The following SIPA1L3 variants were observed in gnomAD, a reference collection of about 807,000 sequenced individuals.
The protein encoded by SIPA1L3 is signal-induced proliferation-associated 1-like protein 3.
A neutral mutation model predicts 150.1 loss-of-function variants in SIPA1L3; 59 were observed. That is an observed-to-expected ratio of 0.39 (90% confidence interval 0.32 to 0.49). SIPA1L3 has a LOEUF of 0.49. Ranked by LOEUF, SIPA1L3 falls within the 20% of genes least tolerant of loss-of-function variation. SIPA1L3 has a pLI of 0.86. For missense variants in SIPA1L3, 2,211 were observed against 2,489.5 expected (o/e 0.89, Z 2.38); for synonymous variants, 1,070 against 1,077.6 (o/e 0.99, Z 0.14).
chr19:37,977,897 C>G (rs755977513), intron 1 of SIPA1L3, among the ~76,000 whole-genome samples: 1 of 152,128 alleles, frequency 6.6e-6, no homozygotes, highest in Non-Finnish European at 1.5e-5. Flanking sequence ...TTTAGGAGGT[C>G]CTTCGTAAAT....
chr19:38,056,498 C>G (rs193058620), intron 2 of SIPA1L3, among the ~76,000 whole-genome samples: 62 of 152,336 alleles, frequency 4.1e-4, no homozygotes, highest in Non-Finnish European at 6.9e-4. Context: ...CACCCACTCT[C>G]CAGCACCCTG....
At chr19:37,948,938 A>G (rs1373959729) in intron 1 of SIPA1L3, among the ~76,000 whole-genome samples, 3 of 152,204 alleles carry the variant, frequency 2.0e-5, no homozygotes, top group Admixed American at 1.3e-4. Context: ...GCTTGTTCCC[A>G]GCAATTCACA....
chr19:38,041,202 G>A (rs928949114), intron 2 of SIPA1L3, among the ~76,000 whole-genome samples: 1 of 145,066 alleles, frequency 6.9e-6, no homozygotes, highest in African/African-American at 2.6e-5. Context: ...CATCTCCAAA[G>A]TTCAAGCAAT....
chr19:38,183,946 G>A (rs1182497883), intron 16 of SIPA1L3, among the ~76,000 whole-genome samples: 1 of 152,198 alleles, frequency 6.6e-6, no homozygotes, highest in Admixed American at 6.5e-5. Flanking sequence ...GGAGAAAAGG[G>A]TGAGGCAGAA....
intron 1 of SIPA1L3, among the ~76,000 whole-genome samples, chr19:37,970,513 C>G (rs941839461): frequency 6.6e-6 from 1 of 152,284 alleles, no homozygotes; most frequent in South Asian, 2.1e-4. Context: ...TTCCTGCAGC[C>G]GGAAGCTGTT....
At chr19:38,010,174 G>A (rs1035780184) in intron 1 of SIPA1L3, among the ~76,000 whole-genome samples, 1 of 152,156 alleles carries the variant, frequency 6.6e-6, no homozygotes, top group Non-Finnish European at 1.5e-5. Flanking sequence ...GCCGAGGCAG[G>A]AGGATTGCTT....
intron 1 of SIPA1L3, among the ~76,000 whole-genome samples, chr19:38,013,878 G>C (rs1968166543): frequency 6.6e-6 from 1 of 152,240 alleles, no homozygotes; most frequent in Non-Finnish European, 1.5e-5. Context: ...AGCACTGCTT[G>C]CTGGCCTGGA....
Position 38,119,750 on chromosome 19 carries a change from C to T in SIPA1L3, c.2736C>T (p.Tyr912=). 6.2e-7 allele frequency: 1 copy of T among 1,614,088 alleles called. No individual in the cohort carries two copies. Among genetic ancestry groups the T allele is most frequent in the South Asian group, 1.1e-5 (1 of 91,086 alleles). The change falls in exon 9 of 22, where the codon TAC becomes TAT. Residue 912 remains tyrosine, a synonymous_variant. Transcript: ENST00000222345. ...LRTKEVVFNC[Y]CGDVIGWTPD... ...CCAAGGAGGTGGTGTTCAACTGCTA[C>T]TGCGGGGATGTCATTGGCTGGACTC...
At position 37,908,636 on chromosome 19, in the gene SIPA1L3, C is replaced by G. The variant is rs535067146; in HGVS notation, c.-379+1278C>G. Among the ~76,000 whole-genome samples, 167 of 151,824 alleles carry G rather than the reference C, an allele frequency of 1.1e-3. 1 individual carries two copies. The highest frequency in any genetic ancestry group is 1.6e-3 in the Non-Finnish European group (112 of 67,920). On this transcript the variant is annotated intron_variant, in intron 1 of 21. Transcript: ENST00000222345. Reference sequence around the variant, plus strand: ...TTGCTGTTTTTTTTTTTAATAGGCCCTTTTTGCTTCTGTTTGTACCTACAT... The same window carrying G: ...TTGCTGTTTTTTTTTTTAATAGGCCGTTTTTGCTTCTGTTTGTACCTACAT...
chr19:38,037,348 A>C (rs1057216231), intron 2 of SIPA1L3, among the ~76,000 whole-genome samples: 2 of 152,100 alleles, frequency 1.3e-5, no homozygotes, highest in African/African-American at 4.8e-5. Context: ...GGGGCGAGGA[A>C]TGGGGAGAGA....
At chr19:38,185,254 G>A (rs1193741597) in intron 16 of SIPA1L3, 3 of 152,296 alleles carry the variant, frequency 2.0e-5, no homozygotes, top group South Asian at 2.1e-4. Context: ...CACTTGTAAC[G>A]TGCCTGGCAC....
At chr19:38,032,070 T>G (rs2145723162) in intron 2 of SIPA1L3, among the ~76,000 whole-genome samples, 1 of 152,350 alleles carries the variant, frequency 6.6e-6, no homozygotes, top group Non-Finnish European at 1.5e-5. Flanking sequence ...TGGCCGGGTC[T>G]TGTCTACAGC....
At chr19:37,986,829 C>T (rs1022614786) in intron 1 of SIPA1L3, among the ~76,000 whole-genome samples, 1 of 152,124 alleles carries the variant, frequency 6.6e-6, no homozygotes, top group Admixed American at 6.5e-5. Context: ...AATTCAGGGG[C>T]ATTCACAATC....
In SIPA1L3 at chr19:37,949,938, G is replaced by A. The variant is rs191406894; in HGVS notation, c.-379+42580G>A. Among the ~76,000 whole-genome samples the A allele has an allele frequency of 2.6e-3, 398 of 151,978 alleles. 1 individual carries two copies. Among genetic ancestry groups the A allele is most frequent in the Admixed American group, 0.013 (192 of 15,282 alleles). On this transcript the variant is annotated intron_variant, in intron 1 of 21. Coordinates refer to ENST00000222345, the MANE Select transcript of SIPA1L3 (RefSeq NM_015073.3). ...CTAAAAATACAAAAATTACCTGGGC[G>A]TGGTGGTGCATGCCTGTAGTCCCAG...
chr19:37,910,231 AATC>A (rs1366082170), intron 1 of SIPA1L3, among the ~76,000 whole-genome samples: 1 of 152,198 alleles, frequency 6.6e-6, no homozygotes, highest in Non-Finnish European at 1.5e-5. Context: ...AGAATTCAAT[AATC>A]ATTTCCTTTA....
intron 1 of SIPA1L3, among the ~76,000 whole-genome samples, chr19:37,967,905 C>A (rs747873572): frequency 1.3e-5 from 2 of 152,064 alleles, no homozygotes; most frequent in Non-Finnish European, 2.9e-5. Context: ...GCGATCCACC[C>A]GCCTCAGCCT....
chr19:38,178,451 T>C (rs1453366409), intron 15 of SIPA1L3, among the ~76,000 whole-genome samples: 1 of 151,956 alleles, frequency 6.6e-6, no homozygotes, highest in Non-Finnish European at 1.5e-5. Context: ...GGCTTTTCTA[T>C]TGCATGGATT....
intron 12 of SIPA1L3, among the ~76,000 whole-genome samples, chr19:38,148,305 C>T (rs975921481): frequency 2.0e-5 from 3 of 149,828 alleles, no homozygotes; most frequent in Admixed American, 6.7e-5. Flanking sequence ...GAGCTGAGAT[C>T]GCGCCACTGC....
At chr19:38,202,131 C>T (rs1344412372) in intron 20 of SIPA1L3, 134 bp downstream of exon 20, 5 of 791,502 alleles carry the variant, frequency 6.3e-6, no homozygotes, top group Non-Finnish European at 9.7e-6. Context: ...AGCAGCTACT[C>T]CCCCCTCCTA....
Sources: allele counts gnomAD v4.1 joint callset (sites outside exome capture counted in the v4.1 genomes callset), GRCh38; gene constraint gnomAD v4.1.1; transcripts MANE v1.5; gene names NCBI Gene and HGNC (gene_info 2026-07-23, HGNC 2026-07-21).